PDE3B: variants seen among roughly 807,000 people sequenced by gnomAD.
PDE3B encodes phosphodiesterase 3B, also known as cGMP-inhibited 3',5'-cyclic phosphodiesterase 3B.
In PDE3B, 66 loss-of-function variants were observed where a neutral mutation model predicts 116.8. That is an observed-to-expected ratio of 0.56 (90% CI 0.46 to 0.69). PDE3B has a LOEUF of 0.69. PDE3B is among the 30% of genes least tolerant of loss of function. PDE3B has a pLI of 0.00. For missense variants in PDE3B, 1,384 were observed against 1,368.1 expected (o/e 1.01, Z -0.18); for synonymous variants, 595 against 533.6 (o/e 1.12, Z -1.59).
intron 1 of PDE3B, among the ~76,000 whole-genome samples, chr11:14,765,216 C>G (rs1380121656): frequency 6.6e-6 from 1 of 151,820 alleles, no homozygotes; most frequent in Non-Finnish European, 1.5e-5. Context: ...CAGAGCCGTA[C>G]TATAATAAGT....
chr11:14,702,130 A>T (rs1855382396), intron 1 of PDE3B, among the ~76,000 whole-genome samples: 1 of 149,264 alleles, frequency 6.7e-6, no homozygotes, highest in Non-Finnish European at 1.5e-5. Context: ...TTTTTGTCTT[A>T]TTTTTCTAGT....
At chr11:14,683,793 T>A (rs1015279389) in intron 1 of PDE3B, among the ~76,000 whole-genome samples, 3 of 152,194 alleles carry the variant, frequency 2.0e-5, no homozygotes, top group African/African-American at 7.2e-5. Context: ...TCTTTTCTAA[T>A]ATAAGCATTA....
At chr11:14,844,400 G>A (rs571307238) in intron 12 of PDE3B, among the ~76,000 whole-genome samples, 1 of 152,338 alleles carries the variant, frequency 6.6e-6, no homozygotes, top group Non-Finnish European at 1.5e-5. Flanking sequence ...AGCTCCCAGC[G>A]TGAGTGACGC....
intron 2 of PDE3B, chr11:14,772,823 C>A (rs1170921062): frequency 6.6e-6 from 1 of 151,914 alleles, no homozygotes; most frequent in East Asian, 1.9e-4. Context: ...CTTTATTGAT[C>A]TTTCCCATTA....
chr11:14,779,988 G>GAAA (rs1227689000), intron 2 of PDE3B, among the ~76,000 whole-genome samples: 1 of 108,276 alleles, frequency 9.2e-6, no homozygotes, highest in African/African-American at 3.3e-5. Context: ...CAAGCAAATG[G>GAAA]AAAAAAAAAA....
At chr11:14,816,963 T>A (rs1008229934) in intron 5 of PDE3B, among the ~76,000 whole-genome samples, 4 of 152,198 alleles carry the variant, frequency 2.6e-5, no homozygotes, top group Admixed American at 2.6e-4. Flanking sequence ...TTATAAGTCA[T>A]GCTGCTGTAA....
In PDE3B at chr11:14,725,267, CTCTT is replaced by C. The variant is rs778614370; in HGVS notation, c.979-46664_979-46661del. ...TTTTTCTTTCTTTCGTTCTTTCTTT[CTCTT>C]TCTTTTTCTTTCTTTCTTTTTCTTT... On this transcript the variant is annotated intron_variant, in intron 1 of 15. Transcript: ENST00000282096. Among the ~76,000 whole-genome samples the C allele has an allele frequency of 1.2e-3, 179 of 151,530 alleles. 1 individual carries two copies. The highest frequency in any genetic ancestry group is 1.8e-3 in the Non-Finnish European group (121 of 67,920).
chr11:14,831,811 A>G (rs1303162298), intron 9 of PDE3B, 34 bp downstream of exon 9: 1 of 1,525,118 alleles, frequency 6.6e-7, no homozygotes, highest in Non-Finnish European at 9.0e-7. Context: ...TTAACTGTAA[A>G]TTAATTTTTC....
At chr11:14,888,385 T>C in the PDE3B span, among the ~76,000 whole-genome samples, 44 of 152,336 alleles carry the variant, frequency 2.9e-4, no homozygotes, top group African/African-American at 1.0e-3. Context: ...AACATATTAT[T>C]ATAACATCAT....
At chr11:14,891,124 C>T in the PDE3B span, 21 of 985,476 alleles carry the variant, frequency 2.1e-5, no homozygotes, top group East Asian at 1.7e-3. Context: ...GTGGAAACTC[C>T]TGCCCCCTCC....
At chr11:14,743,625 A>C (rs542427960) in intron 1 of PDE3B, among the ~76,000 whole-genome samples, 9 of 152,262 alleles carry the variant, frequency 5.9e-5, no homozygotes, top group Admixed American at 5.9e-4. Context: ...AAACTCCTGC[A>C]GCTAGCTCGG....
chr11:14,839,236 CTT>C (rs1162754986), intron 11 of PDE3B, among the ~76,000 whole-genome samples: 1 of 152,158 alleles, frequency 6.6e-6, no homozygotes, highest in Non-Finnish European at 1.5e-5. Flanking sequence ...GTCAGAATCC[CTT>C]CATCAATTCC....
chr11:14,863,589 G>C (rs1406031399), intron 14 of PDE3B, among the ~76,000 whole-genome samples: 1 of 152,192 alleles, frequency 6.6e-6, no homozygotes, highest in Non-Finnish European at 1.5e-5. Flanking sequence ...AAGCCCATCA[G>C]ACTACCAGTG....
At chr11:14,850,556 A>G (rs918609025) in intron 12 of PDE3B, among the ~76,000 whole-genome samples, 2 of 152,214 alleles carry the variant, frequency 1.3e-5, no homozygotes, top group African/African-American at 4.8e-5. Context: ...CTAGAAAGCT[A>G]TAATGGTTGA....
chr11:14,704,577 T>C (rs1378491087), intron 1 of PDE3B, among the ~76,000 whole-genome samples: 1 of 151,770 alleles, frequency 6.6e-6, no homozygotes, highest in Admixed American at 6.6e-5. Flanking sequence ...ATAGAATGGA[T>C]ATTATGGACA....
At chr11:14,728,832 A>G (rs967201120) in intron 1 of PDE3B, among the ~76,000 whole-genome samples, 1 of 152,200 alleles carries the variant, frequency 6.6e-6, no homozygotes, top group African/African-American at 2.4e-5. Context: ...GGTCTTTTGA[A>G]TATAAAAACT....
intron 1 of PDE3B, among the ~76,000 whole-genome samples, chr11:14,733,702 C>G (rs1444312693): frequency 6.6e-6 from 1 of 151,574 alleles, no homozygotes; most frequent in Non-Finnish European, 1.5e-5. Flanking sequence ...GAAAAGTAAG[C>G]CATTGGTATT....
rs771824363 is a variant in PDE3B at position 14,818,385 on chromosome 11, G to T, written c.1725G>T (p.Leu575=). 2 of 1,600,078 alleles carry T rather than the reference G, an allele frequency of 1.2e-6. No homozygotes were observed. The highest frequency in any genetic ancestry group is 1.7e-6 in the Non-Finnish European group (2 of 1,167,336). Residue 575 remains leucine, a synonymous_variant, in exon 6 of 16, where the codon CTG becomes CTT. Coordinates refer to ENST00000282096, the MANE Select transcript of PDE3B (RefSeq NM_000922.4). ...AACTTAGAAATTCTGATAGCAATCT[G>T]TGTAACAGGTAAGTTTCCCAACTGT... is the stretch of plus-strand genomic sequence containing the variant. The part of the protein sequence containing the change: ...YQQLRNSDSN[L]CNSCGHQMLK...
At chr11:14,843,676 A>C (rs1175152244) in intron 11 of PDE3B, 151 bp from the exon 12 acceptor site, 1 of 635,782 alleles carries the variant, frequency 1.6e-6, no homozygotes, top group East Asian at 2.7e-5. Flanking sequence ...ATTGGGAATA[A>C]TATACTCTTT....
Sources: allele counts gnomAD v4.1 joint callset (sites outside exome capture counted in the v4.1 genomes callset), GRCh38; gene constraint gnomAD v4.1.1; transcripts MANE v1.5; gene names NCBI Gene and HGNC (gene_info 2026-07-23, HGNC 2026-07-21).